Variants in ELL2 observed in about 807,000 individuals in gnomAD.
ELL2 encodes the protein RNA polymerase II elongation factor ELL2.
Under a neutral mutation model 72.8 loss-of-function variants are expected in ELL2, and 21 were observed. The observed-to-expected ratio is 0.29, with a 90% CI of 0.20 to 0.42. The LOEUF (loss-of-function observed/expected upper bound fraction) is 0.42, where lower values mean the gene tolerates loss of function less well. Among genes scored for constraint, ELL2 ranks in the 10% least tolerant of loss-of-function variants. The probability of loss-of-function intolerance (pLI) is 1.00; values close to 1 mark genes in which losing one functional copy is unlikely to be tolerated. For missense variants in ELL2, 568 were observed against 772.8 expected (o/e 0.73, Z 3.14); for synonymous variants, 266 against 283.2 (o/e 0.94, Z 0.61).
chr5:95,908,563 G>C (rs1040492413), intron 4 of ELL2, among the ~76,000 whole-genome samples: 8 of 152,110 alleles, frequency 5.3e-5, no homozygotes, highest in Non-Finnish European at 5.9e-5. Flanking sequence ...GACAGCGAGA[G>C]AGCAAGTAAG....
chr5:95,887,085 A>G lies in ELL2; in HGVS notation c.*1786T>C, dbSNP rs1481886961. On this transcript the variant is annotated 3_prime_UTR_variant, in exon 12 of 12. Coordinates refer to ENST00000237853, the MANE Select transcript of ELL2 (RefSeq NM_012081.6). Reference sequence around the variant, plus strand: ...TAAATTAACGTTTAATAATGATTGTACCAATTCTGAGGTAAAAAAAGAGCA... The same window carrying G: ...TAAATTAACGTTTAATAATGATTGTGCCAATTCTGAGGTAAAAAAAGAGCA... 2 of 152,168 alleles carry G rather than the reference A, an allele frequency of 1.3e-5. No individual in the cohort carries two copies. The highest frequency in any genetic ancestry group is 2.4e-5 in the African/African-American group (1 of 41,454). The allele number at this position is 152,168 out of a possible 1,614,324, so 9.4% of individuals were successfully genotyped here. A position where few individuals can be genotyped will look rare whatever the true frequency, so the allele number is the denominator to read the frequency against.
intron 1 of ELL2, among the ~76,000 whole-genome samples, chr5:95,945,261 T>A (rs1751113159): frequency 6.6e-6 from 1 of 152,198 alleles, no homozygotes; most frequent in African/African-American, 2.4e-5. Flanking sequence ...CAAAGGCACT[T>A]TTATCCTCTT....
At chr5:95,910,250 A>T (rs1308335785) in intron 4 of ELL2, among the ~76,000 whole-genome samples, 2 of 152,168 alleles carry the variant, frequency 1.3e-5, no homozygotes, top group African/African-American at 4.8e-5. Flanking sequence ...AAAGAGTAGA[A>T]ATTGAAAAAA....
chr5:95,953,968 C>A (rs914603999), intron 1 of ELL2, among the ~76,000 whole-genome samples: 6 of 152,044 alleles, frequency 3.9e-5, no homozygotes, highest in African/African-American at 1.5e-4. Flanking sequence ...AATTTATAGA[C>A]GTTATTCAAT....
chr5:95,961,445 C>G, intron 1 of ELL2, 130 bp downstream of exon 1: 1 of 1,197,282 alleles, frequency 8.4e-7, no homozygotes, highest in Non-Finnish European at 1.1e-6. Context: ...CCCTGCCCTG[C>G]CTGGCCGCTG....
At chr5:95,913,085 A>G (rs947523698) in intron 4 of ELL2, among the ~76,000 whole-genome samples, 2 of 152,190 alleles carry the variant, frequency 1.3e-5, no homozygotes, top group Admixed American at 6.5e-5. Flanking sequence ...CACTGCTCAT[A>G]AAGGAGAGAC....
At chr5:95,911,451 C>T (rs919577660) in intron 4 of ELL2, among the ~76,000 whole-genome samples, 5 of 152,124 alleles carry the variant, frequency 3.3e-5, no homozygotes, top group Non-Finnish European at 7.3e-5. Context: ...GATACTCCTG[C>T]CTCAGCTTCC....
chr5:95,901,214 T>C lies in ELL2; in HGVS notation c.742-134A>G, dbSNP rs1323883908. 5.5e-6 allele frequency: 5 copies of C among 904,924 alleles called. 1 individual carries two copies. The highest frequency in any genetic ancestry group is 7.9e-6 in the Non-Finnish European group (5 of 630,254). The allele number at this position is 904,924 out of a possible 1,614,324, so 56.1% of individuals were successfully genotyped here. On this transcript the variant is annotated intron_variant, in intron 5 of 11. Transcript: ENST00000237853. Reference sequence around the variant, plus strand: ...CAAAGGGACTGCTAGTTTTGTATTATATGCCAGATCTCAATAAATGCCATT... The same window carrying C: ...CAAAGGGACTGCTAGTTTTGTATTACATGCCAGATCTCAATAAATGCCATT...
intron 1 of ELL2, among the ~76,000 whole-genome samples, chr5:95,951,046 A>T (rs1165828537): frequency 6.6e-6 from 1 of 150,870 alleles, no homozygotes. Flanking sequence ...AACCAGCCAA[A>T]AAGTTAGTTA....
Position 95,935,908 on chromosome 5 carries a change from G to A in ELL2, c.195+7094C>T, listed in dbSNP as rs150236604. Among the ~76,000 whole-genome samples the A allele has an allele frequency of 8.6e-3, 1,301 of 151,490 alleles. 17 individuals are homozygous for A. Among genetic ancestry groups the A allele is most frequent in the African/African-American group, 0.03 (1,255 of 41,230 alleles). On this transcript the variant is annotated intron_variant, in intron 2 of 11. Transcript: ENST00000237853. ...AGCCATTGGAGAAGCATGTTAAAAT[G>A]CAAATCTGACCACATGACTCCCTGG...
At chr5:95,898,182 CTG>C in intron 8 of ELL2, 56 bp downstream of exon 8, 6 of 1,305,818 alleles carry the variant, frequency 4.6e-6, no homozygotes, top group South Asian at 1.5e-5. Flanking sequence ...TAATTATAAA[CTG>C]TGTAATTTCA....
intron 2 of ELL2, among the ~76,000 whole-genome samples, chr5:95,925,400 G>A (rs144383978): frequency 1.9e-4 from 29 of 152,266 alleles, no homozygotes; most frequent in African/African-American, 4.1e-4. Context: ...CTACAAATCC[G>A]AGCCTGCTCC....
rs992201783 is a variant in ELL2 at position 95,887,993 on chromosome 5, A to C, written c.*878T>G. 4.6e-5 allele frequency: 7 copies of C among 152,574 alleles called. No homozygotes were observed. Among genetic ancestry groups the C allele is most frequent in the Non-Finnish European group, 8.8e-5 (6 of 68,020 alleles). The allele number at this position is 152,574 out of a possible 1,614,324, so 9.5% of individuals were successfully genotyped here. The stretch of plus-strand genomic sequence containing the variant: ...TTGATAGAAGAAAAAAAACAAAAAA[A>C]CAAAAAAACACCCTACAGTAACACT... On this transcript the variant is annotated 3_prime_UTR_variant, in exon 12 of 12. Coordinates refer to ENST00000237853, the MANE Select transcript of ELL2 (RefSeq NM_012081.6).
At chr5:95,891,056 G>A in intron 10 of ELL2, 47 bp downstream of exon 10, 1 of 1,612,322 alleles carries the variant, frequency 6.2e-7, no homozygotes, top group Non-Finnish European at 8.5e-7. Context: ...GGGAAAGAAA[G>A]AAGGTAAAAT....
chr5:95,961,182 C>G (rs1283002549), intron 1 of ELL2, among the ~76,000 whole-genome samples: 1 of 152,106 alleles, frequency 6.6e-6, no homozygotes, highest in Non-Finnish European at 1.5e-5. Flanking sequence ...GGTTCCTTGC[C>G]CATACGCTGC....
chr5:95,943,263 A>ATT (rs775746900), intron 1 of ELL2, among the ~76,000 whole-genome samples: 1 of 132,084 alleles, frequency 7.6e-6, no homozygotes, highest in Non-Finnish European at 1.6e-5. Flanking sequence ...CTCCATCTCT[A>ATT]TTTAAAAAAA....
chr5:95,905,598 G>A (rs1749324679), intron 5 of ELL2, among the ~76,000 whole-genome samples: 1 of 152,172 alleles, frequency 6.6e-6, no homozygotes, highest in Admixed American at 6.5e-5. Flanking sequence ...AAGATTGATT[G>A]AGATACCTTG....
At chr5:95,921,532 A>G (rs2112313803) in intron 2 of ELL2, among the ~76,000 whole-genome samples, 1 of 152,350 alleles carries the variant, frequency 6.6e-6, no homozygotes, top group South Asian at 2.1e-4. Context: ...TTTACTCTGT[A>G]GGTAGGTATT....
chr5:95,939,652 C>T (rs1392725099), intron 2 of ELL2, among the ~76,000 whole-genome samples: 1 of 152,112 alleles, frequency 6.6e-6, no homozygotes, highest in African/African-American at 2.4e-5. Context: ...TGTCTTTAGA[C>T]AAGAAACTTT....
Sources: allele counts gnomAD v4.1 joint callset (sites outside exome capture counted in the v4.1 genomes callset), GRCh38; gene constraint gnomAD v4.1.1; transcripts MANE v1.5; gene names NCBI Gene and HGNC (gene_info 2026-07-23, HGNC 2026-07-21).